XKR9: variants seen among roughly 807,000 people sequenced by gnomAD.
The protein encoded by XKR9 is XK-related protein 9.
XKR9 carries 32 observed loss-of-function variants against 32.0 expected under a neutral mutation model. That is an observed-to-expected ratio of 1.00 (90% CI 0.76 to 1.34). The LOEUF is 1.34. Ranked by LOEUF, XKR9 falls within the 40% of genes most tolerant of loss-of-function variation. The pLI, the probability that XKR9 is intolerant of heterozygous loss-of-function variation, is 0.00. For missense variants in XKR9, 546 were observed against 429.7 expected, an observed-to-expected ratio of 1.27 and a Z score of -2.39; for synonymous variants, 168 against 143.4, an observed-to-expected ratio of 1.17 and a Z score of -1.22.
chr8:70,770,603 G>A (rs1295570882), intron 2 of XKR9, among the ~76,000 whole-genome samples: 2 of 152,190 alleles, frequency 1.3e-5, no homozygotes, highest in Non-Finnish European at 2.9e-5. Context: ...CTTTCAGAGA[G>A]GCCCTGCCCA....
chr8:70,856,606 C>G, the XKR9 span, among the ~76,000 whole-genome samples: 1 of 152,152 alleles, frequency 6.6e-6, no homozygotes, highest in South Asian at 2.1e-4. Flanking sequence ...TTGAACTCAG[C>G]TCTGCACCAA....
At chr8:70,973,258 T>C in the XKR9 span, among the ~76,000 whole-genome samples, 1 of 150,366 alleles carries the variant, frequency 6.7e-6, no homozygotes, top group Non-Finnish European at 1.5e-5. Context: ...GTAAAGGTGT[T>C]CATAGTAGCC....
At chr8:71,009,390 C>T in the XKR9 span, among the ~76,000 whole-genome samples, 1 of 123,326 alleles carries the variant, frequency 8.1e-6, no homozygotes, top group Admixed American at 7.6e-5. Context: ...TATGTGTGGC[C>T]CAAGAGAATT....
At chr8:71,055,426 A>T in the XKR9 span, among the ~76,000 whole-genome samples, 1 of 152,192 alleles carries the variant, frequency 6.6e-6, no homozygotes, top group South Asian at 2.1e-4. Flanking sequence ...ATGTTGCAGA[A>T]CAGCTTCATT....
the XKR9 span, among the ~76,000 whole-genome samples, chr8:70,966,611 G>T: frequency 2.0e-5 from 3 of 152,164 alleles, no homozygotes; most frequent in African/African-American, 7.2e-5. Flanking sequence ...TTTGGGTGGA[G>T]ATTTTTGTAG....
chr8:70,926,198 C>T, the XKR9 span, among the ~76,000 whole-genome samples: 25 of 152,294 alleles, frequency 1.6e-4, no homozygotes, highest in Admixed American at 7.8e-4. Context: ...CCTCAACCTC[C>T]TGAGTAGCTG....
chr8:70,959,349 A>C, the XKR9 span, among the ~76,000 whole-genome samples: 2 of 152,140 alleles, frequency 1.3e-5, no homozygotes, highest in Non-Finnish European at 2.9e-5. Context: ...GCTTTTCTGC[A>C]CTTTCATATC....
intron 4 of XKR9, among the ~76,000 whole-genome samples, chr8:70,711,470 T>C (rs1805918194): frequency 6.6e-6 from 1 of 152,184 alleles, no homozygotes; most frequent in Non-Finnish European, 1.5e-5. Flanking sequence ...TCATGTCCTT[T>C]GCAGCAACAT....
At chr8:71,051,214 T>C in the XKR9 span, among the ~76,000 whole-genome samples, 5 of 152,216 alleles carry the variant, frequency 3.3e-5, no homozygotes, top group Admixed American at 6.5e-5. Context: ...TTCACTCCCA[T>C]ATACCATAGC....
At chr8:70,674,340 A>G (rs954772491) in intron 1 of XKR9, among the ~76,000 whole-genome samples, 10 of 152,238 alleles carry the variant, frequency 6.6e-5, no homozygotes, top group African/African-American at 2.4e-4. Context: ...GATGGCAGTT[A>G]TTCTAGACAG....
chr8:70,815,938 G>A, the XKR9 span, among the ~76,000 whole-genome samples: 1 of 152,186 alleles, frequency 6.6e-6, no homozygotes, highest in South Asian at 2.1e-4. Context: ...ATTATGAATA[G>A]TGCTGCAGTG....
intron 2 of XKR9, among the ~76,000 whole-genome samples, chr8:70,762,755 G>A (rs1807325120): frequency 6.6e-6 from 1 of 152,160 alleles, no homozygotes; most frequent in Admixed American, 6.6e-5. Flanking sequence ...AGCCACTGAT[G>A]TCCTAAAGAT....
the XKR9 span, among the ~76,000 whole-genome samples, chr8:70,816,766 A>C: frequency 2.6e-5 from 4 of 152,080 alleles, no homozygotes; most frequent in South Asian, 8.3e-4. Flanking sequence ...TCAAAAAGTT[A>C]GTTCACCATG....
the XKR9 span, among the ~76,000 whole-genome samples, chr8:70,878,416 C>T: frequency 3.8e-3 from 575 of 152,052 alleles, 3 homozygotes; most frequent in African/African-American, 0.013. Context: ...GACCCACCTA[C>T]GTGCAAAGAT....
At chr8:70,800,642 C>G in the XKR9 span, among the ~76,000 whole-genome samples, 2 of 152,028 alleles carry the variant, frequency 1.3e-5, no homozygotes, top group Non-Finnish European at 2.9e-5. Flanking sequence ...ACTGTCACCA[C>G]GCCCAGCTAA....
chr8:70,715,750 G>T (rs534183271), intron 4 of XKR9, among the ~76,000 whole-genome samples: 1 of 152,230 alleles, frequency 6.6e-6, no homozygotes, highest in Non-Finnish European at 1.5e-5. Flanking sequence ...TAGAAAAACT[G>T]AATGGCATGA....
intron 2 of XKR9, among the ~76,000 whole-genome samples, chr8:70,767,918 C>G (rs1807400915): frequency 6.6e-6 from 1 of 152,048 alleles, no homozygotes; most frequent in Admixed American, 6.6e-5. Flanking sequence ...TCATGTCTCT[C>G]TCTCCTCAGT....
At chr8:70,995,053 A>G in the XKR9 span, among the ~76,000 whole-genome samples, 2 of 152,134 alleles carry the variant, frequency 1.3e-5, no homozygotes, top group South Asian at 4.1e-4. Context: ...TAGTAGTGAG[A>G]GGGTGGGGAC....
At chr8:70,865,067 A>G in the XKR9 span, among the ~76,000 whole-genome samples, 3 of 152,184 alleles carry the variant, frequency 2.0e-5, no homozygotes, top group Non-Finnish European at 4.4e-5. Context: ...GTTGTTATAT[A>G]TCAAAGTGCC....
Sources: gnomAD v4.1 joint callset for allele counts (sites outside exome capture counted in the v4.1 genomes callset) on GRCh38, gnomAD v4.1.1 for gene constraint, MANE v1.5 for transcripts, NCBI Gene and HGNC (gene_info 2026-07-23, HGNC 2026-07-21) for gene names.